BAZ2B: variants seen among roughly 807,000 people sequenced by gnomAD.
BAZ2B encodes the protein bromodomain adjacent to zinc finger domain protein 2B.
A neutral mutation model predicts 246.0 loss-of-function variants in BAZ2B; 91 were observed. The observed-to-expected ratio is 0.37, with a 90% confidence interval of 0.31 to 0.44. BAZ2B has a LOEUF of 0.44. Ranked by LOEUF, BAZ2B falls within the 20% of genes least tolerant of loss-of-function variation. The pLI is 1.00. For missense variants in BAZ2B, 2,332 were observed against 2,533.7 expected (o/e 0.92, Z 1.71); for synonymous variants, 855 against 860.0 (o/e 0.99, Z 0.10).
At chr2:159,659,151 T>C in the BAZ2B span, among the ~76,000 whole-genome samples, 3 of 152,334 alleles carry the variant, frequency 2.0e-5, no homozygotes, top group African/African-American at 7.2e-5. Flanking sequence ...TGAATGTTTC[T>C]GTTCCGTTTC....
chr2:159,397,455 A>T (rs1395032774), intron 18 of BAZ2B, 66 bp from the exon 19 acceptor site: 1 of 1,090,396 alleles, frequency 9.2e-7, no homozygotes, highest in African/African-American at 1.6e-5. Flanking sequence ...AAAAGTATTA[A>T]AAGTTCCTTT....
chr2:159,651,679 C>A, the BAZ2B span, among the ~76,000 whole-genome samples: 1 of 152,060 alleles, frequency 6.6e-6, no homozygotes, highest in East Asian at 1.9e-4. Flanking sequence ...ATTTTCATCA[C>A]CCACAAAAGT....
intron 1 of BAZ2B, among the ~76,000 whole-genome samples, chr2:159,584,475 G>A (rs1687593550): frequency 2.0e-5 from 3 of 152,160 alleles, no homozygotes; most frequent in Non-Finnish European, 4.4e-5. Flanking sequence ...AGACTCTTGG[G>A]AGTAGGAGCA....
At chr2:159,321,227 T>C (rs1575564523) in intron 36 of BAZ2B, among the ~76,000 whole-genome samples, 1 of 152,208 alleles carries the variant, frequency 6.6e-6, no homozygotes, top group African/African-American at 2.4e-5. Flanking sequence ...AGATAGCTTT[T>C]AGAAATGCAA....
At chr2:159,342,644 T>C (rs1036721211) in intron 31 of BAZ2B, among the ~76,000 whole-genome samples, 2 of 151,992 alleles carry the variant, frequency 1.3e-5, no homozygotes, top group African/African-American at 4.8e-5. Flanking sequence ...AAGAAGGCAA[T>C]CCCATTTACA....
At chr2:159,621,758 G>A in the BAZ2B span, among the ~76,000 whole-genome samples, 884 of 152,134 alleles carry the variant, frequency 5.8e-3, 12 homozygotes, top group African/African-American at 0.021. Context: ...GACTGTTTGA[G>A]CTTGGGACCA....
intron 1 of BAZ2B, among the ~76,000 whole-genome samples, chr2:159,614,003 G>A (rs1695291289): frequency 6.6e-6 from 1 of 152,058 alleles, no homozygotes; most frequent in South Asian, 2.1e-4. Flanking sequence ...CTTTTTTTAA[G>A]TTAATTGTAG....
chr2:159,400,950 A>G (rs1395373407), intron 16 of BAZ2B, among the ~76,000 whole-genome samples: 1 of 152,188 alleles, frequency 6.6e-6, no homozygotes, highest in Non-Finnish European at 1.5e-5. Context: ...AGGCTGAGGC[A>G]GGAGAATGGC....
intron 14 of BAZ2B, among the ~76,000 whole-genome samples, chr2:159,408,856 T>A (rs1576668322): frequency 6.6e-6 from 1 of 151,740 alleles, no homozygotes; most frequent in Non-Finnish European, 1.5e-5. Context: ...GAGGCAGAGG[T>A]TGCAGTGAGC....
intron 2 of BAZ2B, among the ~76,000 whole-genome samples, chr2:159,496,677 GA>G (rs565430352): frequency 4.0e-5 from 6 of 149,312 alleles, no homozygotes; most frequent in Non-Finnish European, 7.4e-5. Context: ...AACTACTCAG[GA>G]AGGCTGAGGC....
intron 2 of BAZ2B, among the ~76,000 whole-genome samples, chr2:159,548,644 T>G (rs1167358177): frequency 6.6e-6 from 1 of 152,200 alleles, no homozygotes; most frequent in Non-Finnish European, 1.5e-5. Flanking sequence ...TTAAAAATAT[T>G]TAATGATAGT....
chr2:159,647,678 A>C, the BAZ2B span, among the ~76,000 whole-genome samples: 1 of 152,168 alleles, frequency 6.6e-6, no homozygotes, highest in Non-Finnish European at 1.5e-5. Flanking sequence ...AGAAGACAAC[A>C]CAACTACATG....
chr2:159,602,405 T>A (rs980956940), intron 1 of BAZ2B, among the ~76,000 whole-genome samples: 3 of 152,176 alleles, frequency 2.0e-5, no homozygotes, highest in Non-Finnish European at 4.4e-5. Flanking sequence ...AATCTAGTTG[T>A]TAAAAACAAT....
chr2:159,400,965 AC>A (rs2064951312), intron 16 of BAZ2B, among the ~76,000 whole-genome samples: 1 of 152,104 alleles, frequency 6.6e-6, no homozygotes, highest in South Asian at 2.1e-4. Flanking sequence ...AATGGCGTGA[AC>A]CCAGGAGGTG....
chr2:159,593,522 A>T (rs1005209270), intron 1 of BAZ2B, among the ~76,000 whole-genome samples: 3 of 152,204 alleles, frequency 2.0e-5, no homozygotes, highest in Non-Finnish European at 2.9e-5. Flanking sequence ...TTTCACTGTG[A>T]GGCTTCAGTT....
At chr2:159,690,210 T>G in the BAZ2B span, 1 of 450,804 alleles carries the variant, frequency 2.2e-6, no homozygotes, top group South Asian at 1.9e-5. Flanking sequence ...ATATTGAACA[T>G]AGCAGGTGCT....
chr2:159,424,908 T>A (rs1333188521), intron 13 of BAZ2B, among the ~76,000 whole-genome samples: 2 of 151,574 alleles, frequency 1.3e-5, no homozygotes, highest in Non-Finnish European at 2.9e-5. Flanking sequence ...TACAGATACA[T>A]TTTTTTTTCC....
intron 20 of BAZ2B, among the ~76,000 whole-genome samples, chr2:159,390,426 TC>T (rs751523606): frequency 6.6e-6 from 1 of 152,166 alleles, no homozygotes; most frequent in Non-Finnish European, 1.5e-5. Flanking sequence ...TCTTCATTTT[TC>T]CCATCTTGCA....
At chr2:159,433,473 A>T in intron 8 of BAZ2B, 110 bp from the exon 9 acceptor site, 1 of 993,804 alleles carries the variant, frequency 1.0e-6, no homozygotes, top group South Asian at 1.9e-5. Context: ...TCATATATAA[A>T]TTTAAATCAT....
Sources: gnomAD v4.1 joint callset for allele counts (sites outside exome capture counted in the v4.1 genomes callset) on GRCh38, gnomAD v4.1.1 for gene constraint, MANE v1.5 for transcripts, NCBI Gene and HGNC (gene_info 2026-07-23, HGNC 2026-07-21) for gene names.